ANKRD42: variants seen among roughly 807,000 people sequenced by gnomAD.
ANKRD42 encodes ankyrin repeat domain-containing protein 42.
ANKRD42 carries 43 observed loss-of-function variants against 51.5 expected under a neutral mutation model. That is an observed-to-expected ratio of 0.83 (90% CI 0.65 to 1.08). The LOEUF (loss-of-function observed/expected upper bound fraction) is 1.08, where lower values mean the gene tolerates loss of function less well. Among genes scored for constraint, ANKRD42 ranks in the 50% least tolerant of loss-of-function variants. The pLI is 0.00. For missense variants in ANKRD42, 608 were observed against 629.3 expected (o/e 0.97, Z 0.36); for synonymous variants, 203 against 213.0 (o/e 0.95, Z 0.41).
At chr11:83,228,005 TGTATG>T (rs1269104947) in intron 7 of ANKRD42, 133 bp downstream of exon 7, 10 of 988,844 alleles carry the variant, frequency 1.0e-5, no homozygotes, top group African/African-American at 6.6e-5. Flanking sequence ...CAGTCTATCT[TGTATG>T]GTATATAGAA....
At chr11:83,250,560 G>A (rs2135563102), downstream of ANKRD42, among the ~76,000 whole-genome samples, 1 of 152,228 alleles carries the variant, frequency 6.6e-6, no homozygotes, top group Middle Eastern at 3.4e-3. Context: ...TAATACTTCT[G>A]TGGAAATGAC....
Position 83,248,112 on chromosome 11 carries a change from AT to A in ANKRD42, c.1497del (p.Leu500SerfsTer21), listed in dbSNP as rs1863597842. 3 of 1,549,264 alleles carry A rather than the reference AT, an allele frequency of 1.9e-6. No individual in the cohort carries two copies. Among genetic ancestry groups the A allele is most frequent in the Non-Finnish European group, 2.6e-6 (3 of 1,147,806 alleles). ...GGTTGGTGTCCTTTTTAATACATTTATTTTTCTCAAGAAGTATATACAAGAG... is the reference window on the plus strand; with the variant it reads ...GGTTGGTGTCCTTTTTAATACATTTATTTTCTCAAGAAGTATATACAAGAG... Reference protein sequence around the residue: ...AMVGVLFNTFIFLKKYIQEWP... With the variant: ...AMVGVLFNTFXFLKKYIQEWP... On this transcript the variant is annotated frameshift_variant, in exon 11 of 11. Transcript: ENST00000533342. LOFTEE classifies it low-confidence loss of function (END_TRUNC).
At chr11:83,209,399 A>G (rs903213845) in intron 3 of ANKRD42, 5 of 1,570,234 alleles carry the variant, frequency 3.2e-6, no homozygotes, top group African/African-American at 1.3e-5. Context: ...CCGAGCGATC[A>G]TGTCGCACAA....
intron 3 of ANKRD42, among the ~76,000 whole-genome samples, chr11:83,207,390 C>G (rs1446716842): frequency 1.3e-5 from 2 of 151,820 alleles, no homozygotes; most frequent in Non-Finnish European, 2.9e-5. Flanking sequence ...CAGTGAGTTA[C>G]AAAACAATAC....
At chr11:83,208,354 C>T (rs925133606) in intron 3 of ANKRD42, among the ~76,000 whole-genome samples, 4 of 150,082 alleles carry the variant, frequency 2.7e-5, no homozygotes, top group East Asian at 1.9e-4. Flanking sequence ...TTTTTATATA[C>T]GTGTGTGTGT....
Position 83,236,501 on chromosome 11 carries a change from G to A in ANKRD42, c.1011G>A (p.Val337=). 1 of 1,607,914 alleles carries A rather than the reference G, an allele frequency of 6.2e-7. No homozygotes were observed. Among genetic ancestry groups the A allele is most frequent in the Non-Finnish European group, 8.5e-7 (1 of 1,177,200 alleles). The change falls in exon 8 of 11, where the codon GTG becomes GTA. Residue 337 remains valine (V), a synonymous_variant. Coordinates refer to ENST00000533342, the MANE Select transcript of ANKRD42 (RefSeq NM_001300975.2). ...TNKAGERPSD[V]AKRFAHLAAV... ...AAGCAGGGGAGAGACCCAGTGATGTGGCAAAGAGGTATAAATCTCTGTCTT... is the reference window on the plus strand; with the variant it reads ...AAGCAGGGGAGAGACCCAGTGATGTAGCAAAGAGGTATAAATCTCTGTCTT...
rs202196375 is a variant in ANKRD42 at position 83,224,267 on chromosome 11, ATTTC to A, written c.587-585_587-582del. ...TTATTTGCAGAGTGACTATTGGTTTATTTCTTCCACTTCTTCCCAAAATATTAAA... is the reference window on the plus strand; with the variant it reads ...TTATTTGCAGAGTGACTATTGGTTTATTCCACTTCTTCCCAAAATATTAAA... On this transcript the variant is annotated intron_variant, in intron 5 of 10. Transcript: ENST00000533342. Among the ~76,000 whole-genome samples, 563 of 152,204 alleles carry A rather than the reference ATTTC, an allele frequency of 3.7e-3. 7 individuals are homozygous for A. The highest frequency in any genetic ancestry group is 0.013 in the African/African-American group (525 of 41,548).
intron 5 of ANKRD42, among the ~76,000 whole-genome samples, chr11:83,216,920 G>A (rs667512): frequency 0.26 from 40,011 of 151,848 alleles, 5,601 homozygotes; most frequent in East Asian, 0.4. Flanking sequence ...AGTCATTCTG[G>A]CTACTTCCTG....
intron 5 of ANKRD42, chr11:83,213,469 C>T: frequency 1.4e-6 from 2 of 1,386,428 alleles, no homozygotes; most frequent in Non-Finnish European, 1.9e-6. Flanking sequence ...AACCAAAAAA[C>T]AACAACAAAA....
intron 1 of ANKRD42, among the ~76,000 whole-genome samples, chr11:83,196,078 A>T (rs550128545): frequency 5.9e-5 from 9 of 152,188 alleles, no homozygotes; most frequent in Non-Finnish European, 1.0e-4. Context: ...TCCTGACCTC[A>T]TGATCTGCCC....
chr11:83,200,033 G>A (rs1861808087), intron 2 of ANKRD42, among the ~76,000 whole-genome samples: 1 of 152,018 alleles, frequency 6.6e-6, no homozygotes, highest in African/African-American at 2.4e-5. Flanking sequence ...TTTGTAGTTT[G>A]AGTTACAGAT....
downstream of ANKRD42, among the ~76,000 whole-genome samples, chr11:83,258,094 G>C (rs1226325716): frequency 6.6e-6 from 1 of 152,170 alleles, no homozygotes; most frequent in Non-Finnish European, 1.5e-5. Flanking sequence ...TGGACCTTGT[G>C]AATGAGGGCA....
chr11:83,263,072 T>C (rs976268697), downstream of ANKRD42, among the ~76,000 whole-genome samples: 4 of 152,068 alleles, frequency 2.6e-5, no homozygotes, highest in African/African-American at 9.7e-5. Flanking sequence ...CTAAGTGTAC[T>C]TGACTCCAAA....
chr11:83,201,475 A>G (rs1017015703), intron 2 of ANKRD42, among the ~76,000 whole-genome samples: 11 of 152,178 alleles, frequency 7.2e-5, no homozygotes, highest in Non-Finnish European at 1.5e-4. Flanking sequence ...ATGTCTTTAT[A>G]GTAGAATGAT....
chr11:83,248,461 TAATC>T lies in ANKRD42; in HGVS notation c.*263_*266del, dbSNP rs1348627407. 38 of 1,146,792 alleles carry T rather than the reference TAATC, an allele frequency of 3.3e-5. No homozygotes were observed. Among genetic ancestry groups the T allele is most frequent in the Non-Finnish European group, 4.1e-5 (38 of 935,182 alleles). The allele number at this position is 1,146,792 out of a possible 1,614,324, so 71.0% of individuals were successfully genotyped here. On this transcript the variant is annotated 3_prime_UTR_variant, in exon 11 of 11. Transcript: ENST00000533342. Reference sequence around the variant, plus strand: ...TAGAAGGAGAAAATGTTTTCATAAGTAATCAATCAGAATTCTAAGACAGCTAGAG... The same window carrying T: ...TAGAAGGAGAAAATGTTTTCATAAGTAATCAGAATTCTAAGACAGCTAGAG...
At chr11:83,227,524 A>G (rs759000081) in intron 6 of ANKRD42, among the ~76,000 whole-genome samples, 2 of 152,196 alleles carry the variant, frequency 1.3e-5, no homozygotes, top group Non-Finnish European at 2.9e-5. Context: ...TCCTGGTACA[A>G]TACTTCTGGC....
At position 83,248,859 on chromosome 11, in the gene ANKRD42, C is replaced by T; in HGVS notation, c.*655C>T. 1.0e-6 allele frequency: 1 copy of T among 982,680 alleles called. No homozygotes were observed. The highest frequency in any genetic ancestry group is 1.2e-6 in the Non-Finnish European group (1 of 827,426). 60.9% of individuals were successfully genotyped at this position (982,680 alleles called of 1,614,324 possible). On this transcript the variant is annotated 3_prime_UTR_variant, in exon 11 of 11. Transcript: ENST00000533342. ...AGACAAAATTCTATTTATCTGCAAACATGTATGTGTATTTCTATGCATATG... is the reference window on the plus strand; with the variant it reads ...AGACAAAATTCTATTTATCTGCAAATATGTATGTGTATTTCTATGCATATG...
intron 1 of ANKRD42, among the ~76,000 whole-genome samples, chr11:83,196,178 C>T (rs1040759819): frequency 6.6e-6 from 1 of 152,174 alleles, no homozygotes; most frequent in Non-Finnish European, 1.5e-5. Flanking sequence ...TTTTGCTCCC[C>T]ATTCAGTAAA....
intron 7 of ANKRD42, among the ~76,000 whole-genome samples, chr11:83,228,973 T>A (rs1424368756): frequency 1.3e-5 from 2 of 151,572 alleles, no homozygotes; most frequent in African/African-American, 2.4e-5. Context: ...TAATGTGGTT[T>A]CTTGGAGCAA....
Sources: allele counts gnomAD v4.1 joint callset (sites outside exome capture counted in the v4.1 genomes callset), GRCh38; gene constraint gnomAD v4.1.1; transcripts MANE v1.5; gene names NCBI Gene and HGNC (gene_info 2026-07-23, HGNC 2026-07-21).